The following NTRK3 variants were observed in gnomAD, a reference collection of about 807,000 sequenced individuals.
NTRK3 encodes neurotrophic receptor tyrosine kinase 3.
NTRK3 carries 24 observed loss-of-function variants against 91.7 expected under a neutral mutation model. That is an observed-to-expected ratio of 0.26 (90% confidence interval 0.19 to 0.37). NTRK3 has a LOEUF of 0.37. Ranked by LOEUF, NTRK3 falls within the 10% of genes least tolerant of loss-of-function variation. NTRK3 has a pLI of 1.00. For missense variants in NTRK3, 880 were observed against 1,068.9 expected (o/e 0.82, Z 2.46); for synonymous variants, 483 against 404.0 (o/e 1.20, Z -2.34).
chr15:88,060,409 G>A (rs563997660), intron 13 of NTRK3, among the ~76,000 whole-genome samples: 4 of 151,874 alleles, frequency 2.6e-5, no homozygotes, highest in Non-Finnish European at 5.9e-5. Context: ...AAAAAGTAGG[G>A]GGCCCTGAGA....
intron 14 of NTRK3, among the ~76,000 whole-genome samples, chr15:87,987,147 A>C (rs1259892893): frequency 6.6e-6 from 1 of 152,272 alleles, no homozygotes; most frequent in African/African-American, 2.4e-5. Flanking sequence ...ATTTCTACGC[A>C]CAAAAACATT....
exon 19 of NTRK3, chr15:87,875,283 G>A (rs2064918974): frequency 1.7e-5 from 4 of 230,062 alleles, no homozygotes; most frequent in Non-Finnish European, 3.4e-5. Flanking sequence ...TGGCCTGGGA[G>A]GAACACATCC....
At chr15:88,121,170 C>T (rs2052664308) in intron 13 of NTRK3, among the ~76,000 whole-genome samples, 1 of 152,172 alleles carries the variant, frequency 6.6e-6, no homozygotes, top group East Asian at 1.9e-4. Context: ...TCACCTTATA[C>T]TTTCTATTAA....
rs576553550 is a variant in NTRK3, at chr15:87,944,811, C to T, written c.1586-4058G>A. Among the ~76,000 whole-genome samples the T allele has an allele frequency of 6.6e-5, 10 of 152,312 alleles. No homozygotes were observed. In the South Asian group the frequency reaches 1.9e-3, roughly 28 times the overall value. ...GAAGAGTGTATCTGGGGACAGAGTG[C>T]GGGAGGAAGAGCCTCTGCTCAGGCC... On this transcript the variant is annotated intron_variant, in intron 14 of 18. Transcript: ENST00000394480.
intron 6 of NTRK3, among the ~76,000 whole-genome samples, chr15:88,141,745 G>T (rs2042406451): frequency 6.6e-6 from 1 of 152,200 alleles, no homozygotes; most frequent in Non-Finnish European, 1.5e-5. Context: ...CCCCCCAAAG[G>T]CAGACAGCAT....
In NTRK3 at chr15:88,178,533, G is replaced by A. The variant is rs187452592; in HGVS notation, c.395+4885C>T. 2.0e-5 allele frequency among the ~76,000 whole-genome samples: 3 copies of A among 152,288 alleles called. No individual in the cohort carries two copies. In the East Asian group the frequency reaches 5.8e-4, roughly 29 times the overall value. ...GCTGACTCTCCCAGCTAAAGATTGA[G>A]TGCACGTTTGCTTCCAAAAGGAGAA... is the stretch of plus-strand genomic sequence containing the variant. On this transcript the variant is annotated intron_variant, in intron 5 of 18. Coordinates refer to ENST00000394480, the Ensembl canonical transcript of NTRK3.
intron 13 of NTRK3, among the ~76,000 whole-genome samples, chr15:88,042,425 C>A (rs12594253): frequency 5.9e-5 from 9 of 152,064 alleles, no homozygotes; most frequent in Non-Finnish European, 1.0e-4. Flanking sequence ...CCCTCTCTGC[C>A]TCCTCCGGCT....
At chr15:87,889,651 TGCAACAGGG>T (rs2065749367) in intron 17 of NTRK3, among the ~76,000 whole-genome samples, 1 of 152,060 alleles carries the variant, frequency 6.6e-6, no homozygotes, top group Non-Finnish European at 1.5e-5. Flanking sequence ...ACCTTAAAGT[TGCAACAGGG>T]GCCACCTGCA....
chr15:88,057,955 G>T (rs1040265616), intron 13 of NTRK3, among the ~76,000 whole-genome samples: 8 of 152,206 alleles, frequency 5.3e-5, no homozygotes, highest in Non-Finnish European at 7.3e-5. Context: ...CTGACACAGT[G>T]AATCACTTGC....
intron 13 of NTRK3, among the ~76,000 whole-genome samples, chr15:88,076,005 T>G (rs947073332): frequency 6.6e-6 from 1 of 152,210 alleles, no homozygotes; most frequent in Non-Finnish European, 1.5e-5. Flanking sequence ...TTGATGGTGG[T>G]GGTGCTATTG....
intron 5 of NTRK3, among the ~76,000 whole-genome samples, chr15:88,158,320 G>A (rs1382453997): frequency 6.6e-6 from 1 of 152,200 alleles, no homozygotes; most frequent in Non-Finnish European, 1.5e-5. Context: ...CTTGAATTCA[G>A]GCATCATTGT....
intron 5 of NTRK3, among the ~76,000 whole-genome samples, chr15:88,171,503 G>A (rs183989815): frequency 6.6e-5 from 10 of 152,228 alleles, no homozygotes; most frequent in African/African-American, 9.6e-5. Flanking sequence ...CAGGGGCTTC[G>A]AGCTTGGGCT....
chr15:87,876,338 A>G, exon 19 of NTRK3: 1 of 230,622 alleles, frequency 4.3e-6, no homozygotes. Context: ...GGAAATGGGG[A>G]AGAAGTGGAG....
At chr15:88,250,922 T>G (rs889764692) in intron 3 of NTRK3, among the ~76,000 whole-genome samples, 6 of 152,282 alleles carry the variant, frequency 3.9e-5, no homozygotes, top group African/African-American at 1.4e-4. Context: ...GAAGTTCCAG[T>G]GTTTTCTTCT....
At position 87,940,373 on chromosome 15, in the gene NTRK3, C is replaced by A. The variant is rs117205822; in HGVS notation, c.1716+250G>T. On this transcript the variant is annotated intron_variant, in intron 15 of 18. Transcript: ENST00000394480. The stretch of plus-strand genomic sequence containing the variant: ...AACCACAGGGCCACTAAAAAAGGAC[C>A]AGGGTCATTTACAAGAATAAACTTG... Among the ~76,000 whole-genome samples, 5 of 152,278 alleles carry A rather than the reference C, an allele frequency of 3.3e-5. No homozygotes were observed. The East Asian group carries it at 9.7e-4, about 29-fold the overall frequency.
At chr15:88,162,678 T>C (rs1382573692) in intron 5 of NTRK3, among the ~76,000 whole-genome samples, 1 of 152,184 alleles carries the variant, frequency 6.6e-6, no homozygotes, top group African/African-American at 2.4e-5. Flanking sequence ...CCTTTAAGAA[T>C]AATTAATATC....
At chr15:87,919,523 T>G (rs1202458042) in intron 17 of NTRK3, among the ~76,000 whole-genome samples, 4 of 152,128 alleles carry the variant, frequency 2.6e-5, no homozygotes, top group Non-Finnish European at 5.9e-5. Context: ...AATACCTGAG[T>G]TGCAGGTAGA....
In NTRK3 at chr15:88,031,425, C is replaced by T. The variant is rs561438905; in HGVS notation, c.1585+1432G>A. Among the ~76,000 whole-genome samples, 10 of 152,324 alleles carry T rather than the reference C, an allele frequency of 6.6e-5. No individual in the cohort carries two copies. In the South Asian group the frequency reaches 2.1e-3, roughly 32 times the overall value. The stretch of plus-strand genomic sequence containing the variant: ...CCATAGAAGGTCCTTCCTCCCAGTC[C>T]TACCCAGGCCAGTCCTGGGGTGAGC... On this transcript the variant is annotated intron_variant, in intron 14 of 18. Transcript: ENST00000394480.
intron 5 of NTRK3, among the ~76,000 whole-genome samples, chr15:88,166,700 G>T (rs979600662): frequency 2.0e-5 from 3 of 152,260 alleles, no homozygotes; most frequent in East Asian, 1.9e-4. Context: ...GAGGTGACCT[G>T]GTCTTTATAT....
Sources: allele counts gnomAD v4.1 joint callset (sites outside exome capture counted in the v4.1 genomes callset), GRCh38; gene constraint gnomAD v4.1.1; transcripts MANE v1.5; gene names NCBI Gene and HGNC (gene_info 2026-07-23, HGNC 2026-07-21).